The following ALS2CL variants were observed in gnomAD, a reference collection of about 807,000 sequenced individuals.
ALS2CL encodes ALS2 C-terminal-like protein.
In ALS2CL, 112 loss-of-function variants were observed where a neutral mutation model predicts 127.9. The observed-to-expected ratio is 0.88, with a 90% confidence interval of 0.75 to 1.02. ALS2CL has a LOEUF of 1.02. ALS2CL is among the 50% of genes least tolerant of loss of function. ALS2CL has a pLI of 0.00. For synonymous variants in ALS2CL, 519 were observed against 527.6 expected, an observed-to-expected ratio of 0.98 and a Z score of 0.22; for missense variants, 1,174 against 1,236.7, an observed-to-expected ratio of 0.95 and a Z score of 0.76.
Position 46,686,542 on chromosome 3 carries a change from T to C in ALS2CL, c.535-103A>G. On this transcript the variant is annotated intron_variant, in intron 5 of 25. Transcript: ENST00000318962. The surrounding 1 kb of genome is among the most constrained non-coding windows in gnomAD (Gnocchi z 4.3). Reference sequence around the variant, plus strand: ...GGGAGGCCTGAATCTAGGCCAGACCTTGCCCTTCTCTCCCTGACAGCTCCT... The same window carrying C: ...GGGAGGCCTGAATCTAGGCCAGACCCTGCCCTTCTCTCCCTGACAGCTCCT... 1 of 1,456,632 alleles carries C rather than the reference T, an allele frequency of 6.9e-7. No individual in the cohort carries two copies. The highest frequency in any genetic ancestry group is 1.4e-5 in the African/African-American group (1 of 70,402). The allele number at this position is 1,456,632 out of a possible 1,614,324, so 90.2% of individuals were successfully genotyped here. A position where few individuals can be genotyped will look rare whatever the true frequency, so the allele number is the denominator to read the frequency against.
chr3:46,673,485 G>A, intron 21 of ALS2CL, 104 bp from the exon 22 acceptor site: 1 of 1,228,512 alleles, frequency 8.1e-7, no homozygotes, highest in South Asian at 1.4e-5. Flanking sequence ...GCAGATCTGG[G>A]TCCTGAAAAG....
At chr3:46,680,195 G>A in intron 14 of ALS2CL, 1 of 546,804 alleles carries the variant, frequency 1.8e-6, no homozygotes, top group Non-Finnish European at 3.3e-6. Context: ...TCTATGGTAA[G>A]TATTCTTAAC....
chr3:46,677,101 G>A, intron 16 of ALS2CL, 79 bp from the exon 17 acceptor site: 12 of 1,514,186 alleles, frequency 7.9e-6, no homozygotes, highest in Non-Finnish European at 1.1e-5. Context: ...CAGGCCCTTG[G>A]AGGGGTGGGG....
intron 20 of ALS2CL, 64 bp from the exon 21 acceptor site, chr3:46,674,803 C>T (rs1045778408): frequency 6.9e-7 from 1 of 1,446,484 alleles, no homozygotes; most frequent in African/African-American, 1.4e-5. Flanking sequence ...TACTTGGAGT[C>T]TCGTCTCAAA....
At chr3:46,687,956 C>A (rs1699908266) in intron 3 of ALS2CL, 142 bp downstream of exon 3, 1 of 1,091,370 alleles carries the variant, frequency 9.2e-7, no homozygotes, top group South Asian at 1.6e-5. Context: ...GAGGCTGAAC[C>A]CAGGTGAGCA....
intron 7 of ALS2CL, among the ~76,000 whole-genome samples, chr3:46,684,343 T>G (rs577657695): frequency 1.3e-5 from 2 of 152,086 alleles, no homozygotes; most frequent in Admixed American, 6.5e-5. Context: ...TGGAAACCTC[T>G]CTATGGCTCC....
At chr3:46,683,889 A>C in intron 8 of ALS2CL, 41 bp from the exon 9 acceptor site, 3 of 1,613,614 alleles carry the variant, frequency 1.9e-6, no homozygotes, top group Non-Finnish European at 2.5e-6. Context: ...AGCTTTGTCC[A>C]GGAGGGTGGA....
chr3:46,671,287 C>T (rs1241737497), intron 25 of ALS2CL, among the ~76,000 whole-genome samples: 8 of 151,464 alleles, frequency 5.3e-5, no homozygotes, highest in Non-Finnish European at 8.8e-5. Flanking sequence ...GTCCCCAGGG[C>T]TGGGATGCAC....
At chr3:46,685,460 C>A in intron 7 of ALS2CL, 65 bp downstream of exon 7, 1 of 1,587,966 alleles carries the variant, frequency 6.3e-7, no homozygotes, top group South Asian at 1.1e-5. Flanking sequence ...CTTTACTGCT[C>A]CTTTTCCAGC....
chr3:46,676,860 C>T lies in ALS2CL; in HGVS notation c.1920G>A (p.Leu640=). The T allele has an allele frequency of 6.2e-7, 1 of 1,613,482 alleles. No individual in the cohort carries two copies. The highest frequency in any genetic ancestry group is 8.5e-7 in the Non-Finnish European group (1 of 1,179,924). ...ACAGCCGGCCTCACCTCTCGCAGGA[C>T]AGGTAATCCTGAGACCTACGCAGCT... ...SRELRRSQDY[L]SCERTHPEDS... Residue 640 remains leucine, a synonymous_variant, in exon 17 of 26, where the codon CTG becomes CTA. Transcript: ENST00000318962.
At position 46,674,576 on chromosome 3, in the gene ALS2CL, C is replaced by T. The variant is rs527989849; in HGVS notation, c.2419G>A (p.Asp807Asn). The change falls in exon 21 of 26, where the codon GAT (aspartate) becomes AAT (asparagine). Residue 807 changes from aspartate to asparagine, a missense_variant. Transcript: ENST00000318962. ...GAAGGGAAGGCTTACTTCTGCACAT[C>T]CAGGAACTCGAGCAGTTGGGTATCA... Reference protein sequence around the residue: ...FPDTQLLEFLDVQKHLWPLKD... With the variant: ...FPDTQLLEFLNVQKHLWPLKD... The T allele has an allele frequency of 1.7e-5, 27 of 1,612,476 alleles. No individual in the cohort carries two copies. In the African/African-American group the frequency reaches 3.5e-4, roughly 21 times the overall value.
intron 19 of ALS2CL, 96 bp downstream of exon 19, chr3:46,676,149 C>A: frequency 6.6e-7 from 1 of 1,512,922 alleles, no homozygotes; most frequent in Non-Finnish European, 8.9e-7. Flanking sequence ...GAATCAGACA[C>A]TTGGCATTCC....
chr3:46,675,579 C>G, intron 20 of ALS2CL, 39 bp downstream of exon 20: 1 of 1,603,318 alleles, frequency 6.2e-7, no homozygotes, highest in Non-Finnish European at 8.5e-7. Context: ...TGAGGCCTCC[C>G]TGGACACGGC....
chr3:46,682,081 A>G lies in ALS2CL; in HGVS notation c.1123T>C (p.Trp375Arg). The change falls in exon 11 of 26, where the codon TGG becomes CGG. Residue 375 changes from tryptophan (W) to arginine (R), a missense_variant. Physicochemically the swap from Trp to Arg is moderately radical, Grantham distance 101. Transcript: ENST00000318962. ...CCCACGTGATTCCGCCCATCCGGCC[A>G]TTTCAGGGTTCCCCTGGAACACAGT... ...GRPHGKGTLK[W>R]PDGRNHVGNF... 2 of 1,613,934 alleles carry G rather than the reference A, an allele frequency of 1.2e-6. No individual in the cohort carries two copies. Among genetic ancestry groups the G allele is most frequent in the Non-Finnish European group, 8.5e-7 (1 of 1,179,964 alleles).
Position 46,674,586 on chromosome 3 carries a change from G to C in ALS2CL, c.2409C>G (p.Leu803=). The change falls in exon 21 of 26, where the codon CTC becomes CTG. Residue 803 remains leucine, a synonymous_variant. Coordinates refer to ENST00000318962, the MANE Select transcript of ALS2CL (RefSeq NM_147129.5). ...NLSLFPDTQL[L]EFLDVQKHLW... Reference sequence around the variant, plus strand: ...CTTACTTCTGCACATCCAGGAACTCGAGCAGTTGGGTATCAGGAAAGAGGC... The same window carrying C: ...CTTACTTCTGCACATCCAGGAACTCCAGCAGTTGGGTATCAGGAAAGAGGC... 6.2e-7 allele frequency: 1 copy of C among 1,613,410 alleles called. No individual in the cohort carries two copies. Among genetic ancestry groups the C allele is most frequent in the Non-Finnish European group, 8.5e-7 (1 of 1,179,728 alleles).
chr3:46,688,048 G>A (rs1699913403), intron 3 of ALS2CL, 50 bp downstream of exon 3: 2 of 1,591,434 alleles, frequency 1.3e-6, no homozygotes, highest in East Asian at 4.5e-5. Context: ...AATGCCAGGT[G>A]TCACTCTGAC....
rs370085173 is a variant in ALS2CL, at chr3:46,676,834, C to T, written c.1931+15G>A. 2 of 1,602,482 alleles carry T rather than the reference C, an allele frequency of 1.2e-6. No individual in the cohort carries two copies. The highest frequency in any genetic ancestry group is 1.7e-6 in the Non-Finnish European group (2 of 1,172,604). On this transcript the variant is annotated intron_variant, in intron 17 of 25. Coordinates refer to ENST00000318962, the MANE Select transcript of ALS2CL (RefSeq NM_147129.5). ...GCCCACCCTAACCTGTGCATGCTCA[C>T]ACAGCCGGCCTCACCTCTCGCAGGA...
Position 46,691,657 on chromosome 3 carries a change from C to T in ALS2CL, c.-26+1986G>A, listed in dbSNP as rs531942694. On this transcript the variant is annotated intron_variant, in intron 1 of 25. Transcript: ENST00000318962. ...TCTCTGTACCTCAGCCACCCCTCTACGAAATGGGGGTTCAACCAGATCACA... is the reference window on the plus strand; with the variant it reads ...TCTCTGTACCTCAGCCACCCCTCTATGAAATGGGGGTTCAACCAGATCACA... Among the ~76,000 whole-genome samples the T allele has an allele frequency of 1.8e-3, 267 of 152,076 alleles. 1 individual carries two copies. The highest frequency in any genetic ancestry group is 3.0e-3 in the African/African-American group (123 of 41,504).
At chr3:46,672,697 A>G (rs756135319) in intron 22 of ALS2CL, among the ~76,000 whole-genome samples, 3 of 152,116 alleles carry the variant, frequency 2.0e-5, no homozygotes, top group Non-Finnish European at 4.4e-5. Flanking sequence ...CCTCACAACA[A>G]TTTTGAGGTG....
Sources: allele counts gnomAD v4.1 joint callset (sites outside exome capture counted in the v4.1 genomes callset), GRCh38; gene constraint gnomAD v4.1.1; non-coding constraint Gnocchi (gnomAD v3.1); transcripts MANE v1.5; gene names NCBI Gene and HGNC (gene_info 2026-07-23, HGNC 2026-07-21).